Variants in TBC1D30 observed in about 807,000 individuals in gnomAD.
The protein encoded by TBC1D30 is TBC1 domain family member 30.
In TBC1D30, 31 loss-of-function variants were observed where a neutral mutation model predicts 63.2. The observed-to-expected ratio is 0.49, with a 90% confidence interval of 0.37 to 0.66. The LOEUF (loss-of-function observed/expected upper bound fraction) is 0.66. TBC1D30 is among the 30% of genes least tolerant of loss of function. TBC1D30 has a pLI of 0.00. For synonymous variants in TBC1D30, 307 were observed against 361.5 expected (o/e 0.85, Z 1.71); for missense variants, 810 against 953.6 (o/e 0.85, Z 1.98).
intron 2 of TBC1D30, among the ~76,000 whole-genome samples, chr12:64,813,645 T>C (rs562018776): frequency 1.4e-4 from 22 of 152,366 alleles, no homozygotes; most frequent in Non-Finnish European, 2.1e-4. Context: ...GAGCATCACA[T>C]GTTTTGGAAA....
At chr12:64,773,249 T>C (rs1223863971) in intron 1 of TBC1D30, among the ~76,000 whole-genome samples, 1 of 152,144 alleles carries the variant, frequency 6.6e-6, no homozygotes, top group African/African-American at 2.4e-5. Context: ...GAGTCGCTGA[T>C]CTGTTCCTCC....
intron 2 of TBC1D30, among the ~76,000 whole-genome samples, chr12:64,804,728 T>C (rs1240526915): frequency 3.3e-5 from 5 of 152,134 alleles, no homozygotes; most frequent in African/African-American, 9.7e-5. Context: ...TCTAAACCAC[T>C]TGAGGTTTTT....
At chr12:64,817,761 A>G (rs1468118816) in intron 2 of TBC1D30, among the ~76,000 whole-genome samples, 1 of 152,088 alleles carries the variant, frequency 6.6e-6, no homozygotes, top group Non-Finnish European at 1.5e-5. Context: ...CCTCTCCTCA[A>G]CAGGGTCAAA....
intron 1 of TBC1D30, among the ~76,000 whole-genome samples, chr12:64,784,293 C>CA (rs1479348409): frequency 6.6e-6 from 1 of 152,052 alleles, no homozygotes; most frequent in Admixed American, 6.6e-5. Context: ...AAAAATCACT[C>CA]AGAGAGTTGG....
At chr12:64,818,393 C>T in intron 2 of TBC1D30, 1 of 983,410 alleles carries the variant, frequency 1.0e-6, no homozygotes, top group Non-Finnish European at 1.2e-6. Flanking sequence ...GGACCTTTCA[C>T]ACAATCCTTG....
At chr12:64,760,609 A>G (rs1489082089) in intron 1 of TBC1D30, among the ~76,000 whole-genome samples, 2 of 152,114 alleles carry the variant, frequency 1.3e-5, no homozygotes, top group South Asian at 2.1e-4. Context: ...TGAACTGTCA[A>G]GTCACATCCC....
At chr12:64,769,401 G>A (rs1204501187) in intron 1 of TBC1D30, among the ~76,000 whole-genome samples, 1 of 148,320 alleles carries the variant, frequency 6.7e-6, no homozygotes, top group Non-Finnish European at 1.5e-5. Flanking sequence ...TTTTTGAGAC[G>A]GAGTCTTGCT....
Position 64,824,915 on chromosome 12 carries a change from CG to C in TBC1D30, c.42del (p.Arg15AspfsTer3). ...ACAAGCTGACCGGGTCTCTGAGGCG[CG>C]GGGGGAGATGCCTGAAGCGGCAGGG... ...QDKLTGSLRR[G>X]GRCLKRQGGG... On this transcript the variant is annotated frameshift_variant, in exon 1 of 12. Transcript: ENST00000539867. LOFTEE classifies it high-confidence loss of function. The C allele has an allele frequency of 1.3e-6, 2 of 1,534,342 alleles. No individual in the cohort carries two copies. Among genetic ancestry groups the C allele is most frequent in the Non-Finnish European group, 1.7e-6 (2 of 1,146,516 alleles).
chr12:64,875,754 C>T lies in TBC1D30; in HGVS notation c.2252C>T (p.Pro751Leu). Residue 751 changes from proline to leucine, a missense_variant, in exon 12 of 12, where the codon CCC (proline) becomes CTC (leucine). Coordinates refer to ENST00000539867, the MANE Select transcript of TBC1D30 (RefSeq NM_015279.2). ...FPQMSRSFSK[P>L]GGGNSGTKKR ...CAAATGAGTAGGAGCTTCAGCAAACCCGGCGGTGGAAACAGTGGCACTAAA... is the reference window on the plus strand; with the variant it reads ...CAAATGAGTAGGAGCTTCAGCAAACTCGGCGGTGGAAACAGTGGCACTAAA... The T allele has an allele frequency of 6.5e-7, 1 of 1,533,174 alleles. No individual in the cohort carries two copies. Among genetic ancestry groups the T allele is most frequent in the Non-Finnish European group, 8.7e-7 (1 of 1,145,700 alleles). The allele number at this position is 1,533,174 out of a possible 1,614,324, so 95.0% of individuals were successfully genotyped here.
chr12:64,776,505 T>G (rs1188500797), upstream of TBC1D30, among the ~76,000 whole-genome samples: 3 of 152,090 alleles, frequency 2.0e-5, no homozygotes, highest in Non-Finnish European at 4.4e-5. Flanking sequence ...CTAGAAAATC[T>G]AAAAGAAATG....
chr12:64,784,213 A>G (rs1871436293), intron 1 of TBC1D30, among the ~76,000 whole-genome samples: 1 of 151,934 alleles, frequency 6.6e-6, no homozygotes, highest in African/African-American at 2.4e-5. Context: ...TAAAGACCAT[A>G]CCCATTTGTT....
At chr12:64,824,295 C>A (rs545211454), upstream of TBC1D30, among the ~76,000 whole-genome samples, 37 of 152,308 alleles carry the variant, frequency 2.4e-4, no homozygotes, top group African/African-American at 7.9e-4. Flanking sequence ...GAAGCGTGTG[C>A]CTCGCCGCCT....
intron 10 of TBC1D30, among the ~76,000 whole-genome samples, chr12:64,869,672 A>G (rs1878503720): frequency 1.3e-5 from 2 of 152,008 alleles, no homozygotes; most frequent in African/African-American, 4.8e-5. Context: ...CTAGGATGAC[A>G]TGATCACTTT....
chr12:64,775,407 A>C (rs898750258), intron 1 of TBC1D30, among the ~76,000 whole-genome samples: 1 of 152,202 alleles, frequency 6.6e-6, no homozygotes, highest in African/African-American at 2.4e-5. Flanking sequence ...AATGACACAC[A>C]TAGGCTCAAA....
intron 4 of TBC1D30, among the ~76,000 whole-genome samples, chr12:64,831,042 T>C (rs1874813176): frequency 6.6e-6 from 1 of 152,230 alleles, no homozygotes; most frequent in African/African-American, 2.4e-5. Flanking sequence ...CCAAGGATAC[T>C]GATTCTGTTT....
chr12:64,809,266 C>T (rs1348234497), intron 2 of TBC1D30, among the ~76,000 whole-genome samples: 1 of 150,490 alleles, frequency 6.6e-6, no homozygotes, highest in Admixed American at 6.7e-5. Context: ...TTCTTCCCCC[C>T]AAGTCCCCAA....
In TBC1D30 at chr12:64,832,259, A is replaced by G; in HGVS notation, c.549A>G (p.Ala183=). 1 of 1,536,098 alleles carries G rather than the reference A, an allele frequency of 6.5e-7. No individual in the cohort carries two copies. Among genetic ancestry groups the G allele is most frequent in the Non-Finnish European group, 8.7e-7 (1 of 1,146,892 alleles). The change falls in exon 5 of 12, where the codon GCA becomes GCG. Residue 183 remains alanine, a synonymous_variant. Transcript: ENST00000539867. ...GCCAAGGCTTTAACATCCTGGCTGC[A>G]CTAATTCTGGAAGTGATGGAAGGCA... The part of the protein sequence containing the change: ...GYCQGFNILA[A]LILEVMEGNE...
intron 1 of TBC1D30, among the ~76,000 whole-genome samples, chr12:64,767,135 C>A (rs958447826): frequency 6.6e-5 from 10 of 150,780 alleles, no homozygotes; most frequent in African/African-American, 2.4e-4. Flanking sequence ...CCTTAAGACA[C>A]CAAAGAAAGC....
chr12:64,777,634 C>T (rs1320437893), upstream of TBC1D30, among the ~76,000 whole-genome samples: 2 of 152,202 alleles, frequency 1.3e-5, no homozygotes, highest in African/African-American at 4.8e-5. Flanking sequence ...AAAAACATTC[C>T]ATGCTCATGG....
Sources: gnomAD v4.1 joint callset for allele counts (sites outside exome capture counted in the v4.1 genomes callset) on GRCh38, gnomAD v4.1.1 for gene constraint, MANE v1.5 for transcripts, NCBI Gene and HGNC (gene_info 2026-07-23, HGNC 2026-07-21) for gene names.